SHISA9: variants seen among roughly 807,000 people sequenced by gnomAD.
The protein encoded by SHISA9 is shisa family member 9.
Under a neutral mutation model 38.0 loss-of-function variants are expected in SHISA9, and 13 were observed. The observed-to-expected ratio is 0.34, with a 90% confidence interval of 0.22 to 0.54. SHISA9 has a LOEUF of 0.54. Ranked by LOEUF, SHISA9 falls within the 20% of genes least tolerant of loss-of-function variation. The pLI is 0.91. For missense variants in SHISA9, 538 were observed against 575.8 expected (o/e 0.93, Z 0.67); for synonymous variants, 275 against 242.0 (o/e 1.14, Z -1.27).
At chr16:13,020,759 TA>T in intron 2 of SHISA9, among the ~76,000 whole-genome samples, 1 of 152,358 alleles carries the variant, frequency 6.6e-6, no homozygotes, top group South Asian at 2.1e-4. Flanking sequence ...CCAAACATAC[TA>T]AATGATACCA....
the SHISA9 span, among the ~76,000 whole-genome samples, chr16:13,392,711 A>T: frequency 6.6e-6 from 1 of 152,248 alleles, no homozygotes; most frequent in Non-Finnish European, 1.5e-5. Context: ...CTGCGATATG[A>T]CTGGTGTCAT....
At chr16:13,197,312 C>G (rs2050956513) in intron 2 of SHISA9, among the ~76,000 whole-genome samples, 1 of 152,080 alleles carries the variant, frequency 6.6e-6, no homozygotes, top group African/African-American at 2.4e-5. Flanking sequence ...ATTATGTTGT[C>G]TTTCCTTTAA....
intron 2 of SHISA9, among the ~76,000 whole-genome samples, chr16:13,005,405 G>C (rs1211724974): frequency 6.6e-6 from 1 of 152,164 alleles, no homozygotes; most frequent in African/African-American, 2.4e-5. Context: ...CTATGTGCCA[G>C]GTCATCTTGC....
chr16:13,414,392 G>T, the SHISA9 span, among the ~76,000 whole-genome samples: 1 of 152,172 alleles, frequency 6.6e-6, no homozygotes, highest in Non-Finnish European at 1.5e-5. Context: ...GTAAGTTCTA[G>T]CACACAGGGA....
At chr16:13,039,885 C>T (rs2073114792) in intron 2 of SHISA9, among the ~76,000 whole-genome samples, 1 of 152,180 alleles carries the variant, frequency 6.6e-6, no homozygotes, top group Admixed American at 6.5e-5. Context: ...GTTTCCTAAT[C>T]TGAAAAATGG....
intron 1 of SHISA9, 65 bp downstream of exon 1, chr16:12,902,692 TC>T (rs2071035668): frequency 5.6e-6 from 8 of 1,417,542 alleles, no homozygotes; most frequent in Middle Eastern, 1.9e-4. Flanking sequence ...CTCCCCACCT[TC>T]CCCCAGGCAA....
the SHISA9 span, among the ~76,000 whole-genome samples, chr16:13,556,682 TAAAC>T: frequency 1.6e-4 from 25 of 151,638 alleles, no homozygotes; most frequent in East Asian, 1.6e-3. Context: ...AAAAATAAAA[TAAAC>T]AAACAAACAA....
At chr16:13,152,550 T>C (rs577253424) in intron 2 of SHISA9, among the ~76,000 whole-genome samples, 117 of 152,326 alleles carry the variant, frequency 7.7e-4, no homozygotes, top group African/African-American at 2.8e-3. Context: ...GCATATCCTG[T>C]CACTGAAATG....
chr16:13,081,918 AGTGATGGTGGTG>A (rs1371239725), intron 2 of SHISA9, among the ~76,000 whole-genome samples: 1 of 151,642 alleles, frequency 6.6e-6, no homozygotes. Context: ...TTTGTGTGGT[AGTGATGGTGGTG>A]GTGTGGCACA....
the SHISA9 span, among the ~76,000 whole-genome samples, chr16:13,516,386 A>C: frequency 1.3e-5 from 2 of 152,230 alleles, no homozygotes; most frequent in Admixed American, 1.3e-4. Flanking sequence ...ACATTTTTGG[A>C]GAAAACCCCT....
the SHISA9 span, among the ~76,000 whole-genome samples, chr16:13,368,543 G>A: frequency 6.6e-6 from 1 of 152,140 alleles, no homozygotes; most frequent in African/African-American, 2.4e-5. Context: ...GGATAGTGGA[G>A]AATGCAGTGT....
At chr16:13,557,284 C>T in the SHISA9 span, among the ~76,000 whole-genome samples, 54 of 152,286 alleles carry the variant, frequency 3.5e-4, no homozygotes, top group African/African-American at 1.3e-3. Context: ...ATCAAGTATC[C>T]ATCATAGAGA....
rs1054912017 is a variant in SHISA9 at position 13,238,236 on chromosome 16, G to T, written c.*2827G>T. ...ACTTTCTCTTTGTACTAATAAGATG[G>T]ACCAAAAAGTAAATGAAAGGGGAAT... On this transcript the variant is annotated 3_prime_UTR_variant, in exon 5 of 5. Transcript: ENST00000558583. 4 of 152,058 alleles carry T rather than the reference G, an allele frequency of 2.6e-5. No homozygotes were observed. The highest frequency in any genetic ancestry group is 9.7e-5 in the African/African-American group (4 of 41,400). The allele number at this position is 152,058 out of a possible 1,614,324, so 9.4% of individuals were successfully genotyped here. A position where few individuals can be genotyped will look rare whatever the true frequency, so the allele number is the denominator to read the frequency against.
chr16:12,943,713 A>G (rs528192747), intron 2 of SHISA9, among the ~76,000 whole-genome samples: 18 of 152,228 alleles, frequency 1.2e-4, no homozygotes, highest in African/African-American at 4.3e-4. Context: ...GCCATGGTGC[A>G]CAGCTGACCT....
the SHISA9 span, among the ~76,000 whole-genome samples, chr16:13,417,934 G>T: frequency 2.6e-5 from 4 of 152,298 alleles, no homozygotes; most frequent in South Asian, 8.3e-4. Flanking sequence ...TCTTGGGAAG[G>T]TTTATGCCAA....
the SHISA9 span, among the ~76,000 whole-genome samples, chr16:13,540,286 A>T: frequency 0.13 from 19,633 of 152,016 alleles, 1,387 homozygotes; most frequent in Middle Eastern, 0.19. Flanking sequence ...TATAACTTCA[A>T]TGCAGACCAA....
chr16:13,268,849 C>T, the SHISA9 span, among the ~76,000 whole-genome samples: 1 of 152,166 alleles, frequency 6.6e-6, no homozygotes, highest in African/African-American at 2.4e-5. Flanking sequence ...TTGCTGAGTA[C>T]ATATTACGTG....
At chr16:13,359,966 C>T in the SHISA9 span, among the ~76,000 whole-genome samples, 3 of 152,198 alleles carry the variant, frequency 2.0e-5, no homozygotes, top group African/African-American at 7.2e-5. Context: ...TTCATCTGTG[C>T]ATGCCCCACT....
At chr16:12,946,035 G>A (rs1312059426) in intron 2 of SHISA9, among the ~76,000 whole-genome samples, 2 of 152,226 alleles carry the variant, frequency 1.3e-5, no homozygotes, top group East Asian at 1.9e-4. Flanking sequence ...TTGAACCTGG[G>A]AGGGGGAGGT....
Sources: gnomAD v4.1 joint callset for allele counts (sites outside exome capture counted in the v4.1 genomes callset) on GRCh38, gnomAD v4.1.1 for gene constraint, MANE v1.5 for transcripts, NCBI Gene and HGNC (gene_info 2026-07-23, HGNC 2026-07-21) for gene names.